Variants in SORT1 observed in about 807,000 individuals in gnomAD.
The protein encoded by SORT1 is sortilin 1.
Under a neutral mutation model 101.7 loss-of-function variants are expected in SORT1, and 39 were observed. The observed-to-expected ratio is 0.38, with a 90% confidence interval of 0.30 to 0.50. The LOEUF (loss-of-function observed/expected upper bound fraction) is 0.50, where lower values mean the gene tolerates loss of function less well. Ranked by LOEUF, SORT1 falls within the 20% of genes least tolerant of loss-of-function variation. The pLI is 0.90. For missense variants in SORT1, 878 were observed against 1,040.4 expected (o/e 0.84, Z 2.15); for synonymous variants, 396 against 393.7 (o/e 1.01, Z -0.07).
intron 6 of SORT1, among the ~76,000 whole-genome samples, chr1:109,350,243 A>T (rs1039473537): frequency 6.6e-6 from 1 of 152,248 alleles, no homozygotes; most frequent in Non-Finnish European, 1.5e-5. Context: ...TTTTGGAGGC[A>T]TGAAGCCTGT....
Position 109,314,654 on chromosome 1 carries a change from G to T in SORT1, c.2357+18C>A. ...TGGCTTGAACTCAGTACCTTGGATT[G>T]ACTTCTGTGTTCCTTACCTTCCCCC... On this transcript the variant is annotated intron_variant, in intron 18 of 19. Coordinates refer to ENST00000256637, the MANE Select transcript of SORT1 (RefSeq NM_002959.7). 1 of 1,505,870 alleles carries T rather than the reference G, an allele frequency of 6.6e-7. No homozygotes were observed. Among genetic ancestry groups the T allele is most frequent in the South Asian group, 1.1e-5 (1 of 88,652 alleles). The allele number at this position is 1,505,870 out of a possible 1,614,324, so 93.3% of individuals were successfully genotyped here.
At position 109,327,178 on chromosome 1, in the gene SORT1, A is replaced by G. The variant is rs1245791164; in HGVS notation, c.1475-18T>C. The G allele has an allele frequency of 1.3e-6, 2 of 1,599,032 alleles. No individual in the cohort carries two copies. The highest frequency in any genetic ancestry group is 2.7e-5 in the African/African-American group (2 of 74,542). On this transcript the variant is annotated intron_variant, in intron 12 of 19. Transcript: ENST00000256637. The stretch of plus-strand genomic sequence containing the variant: ...CACGCTACCTGCAATATAATCCACC[A>G]TCTCATTAGCACAAATAGGCAATGA...
At position 109,353,328 on chromosome 1, in the gene SORT1, C is replaced by CA. The variant is rs1228771965; in HGVS notation, c.708+1038dup. Among the ~76,000 whole-genome samples, 595 of 60,872 alleles carry CA rather than the reference C, an allele frequency of 9.8e-3. 3 individuals are homozygous for CA. Among genetic ancestry groups the CA allele is most frequent in the African/African-American group, 0.022 (321 of 14,286 alleles). The allele number at this position is 60,872 out of a possible 152,430, so 39.9% of individuals were successfully genotyped here. ...GGGCAAGAAGAGCAAAACTCTGTCT[C>CA]AAAAAAAAAAAAAAAAAAAAAAACA... On this transcript the variant is annotated intron_variant, in intron 5 of 19. Coordinates refer to ENST00000256637, the MANE Select transcript of SORT1 (RefSeq NM_002959.7).
At chr1:109,383,843 T>C (rs1255973522) in intron 1 of SORT1, among the ~76,000 whole-genome samples, 1 of 152,200 alleles carries the variant, frequency 6.6e-6, no homozygotes, top group Non-Finnish European at 1.5e-5. Context: ...ATGTACAAGT[T>C]TCCAAATCTA....
At chr1:109,317,763 A>T in intron 16 of SORT1, 90 bp downstream of exon 16, 1 of 881,232 alleles carries the variant, frequency 1.1e-6, no homozygotes, top group Non-Finnish European at 1.8e-6. Context: ...GCTCTAAAGT[A>T]GGGCTTGGAT....
chr1:109,377,030 T>C (rs1412961723), intron 1 of SORT1, among the ~76,000 whole-genome samples: 1 of 152,232 alleles, frequency 6.6e-6, no homozygotes. Flanking sequence ...AAGTCCCATC[T>C]TTCACTGTAA....
At chr1:109,381,662 G>C (rs1652242726) in intron 1 of SORT1, among the ~76,000 whole-genome samples, 1 of 152,082 alleles carries the variant, frequency 6.6e-6, no homozygotes, top group African/African-American at 2.4e-5. Flanking sequence ...TTAAGCTCAG[G>C]AGTTTGAGAC....
chr1:109,315,497 T>C (rs370088), intron 17 of SORT1, among the ~76,000 whole-genome samples: 105,844 of 151,680 alleles, frequency 0.7, 37,486 homozygotes, highest in East Asian at 0.96. Context: ...ATACACACAC[T>C]CACACACTCC....
chr1:109,356,245 T>G (rs935712201), intron 3 of SORT1, among the ~76,000 whole-genome samples: 1 of 152,162 alleles, frequency 6.6e-6, no homozygotes, highest in Admixed American at 6.5e-5. Flanking sequence ...GCCAGCGATG[T>G]TGCCAAACAT....
chr1:109,397,812 C>A lies in SORT1; in HGVS notation c.81G>T (p.Leu27=). Residue 27 remains leucine (L), a synonymous_variant, in exon 1 of 20, where the codon CTG becomes CTT. Coordinates refer to ENST00000256637, the MANE Select transcript of SORT1 (RefSeq NM_002959.7). ...GLGLLLLLQL[L]PPSTLSQDRL... ...GGTCCTGGCTGAGGGTCGACGGCGG[C>A]AGCAGCTGCAGGAGGAGGAGGAGGC... is the stretch of plus-strand genomic sequence containing the variant. 1.6e-6 allele frequency: 2 copies of A among 1,287,080 alleles called. No homozygotes were observed. The highest frequency in any genetic ancestry group is 1.8e-5 in the South Asian group (1 of 54,678). The allele number at this position is 1,287,080 out of a possible 1,614,324, so 79.7% of individuals were successfully genotyped here.
chr1:109,358,944 C>T (rs188468329), intron 3 of SORT1, among the ~76,000 whole-genome samples: 1 of 151,758 alleles, frequency 6.6e-6, no homozygotes, highest in Non-Finnish European at 1.5e-5. Context: ...AATAAATGAT[C>T]ATTTTTGCAT....
chr1:109,351,972 GT>G (rs1649997731), intron 5 of SORT1, among the ~76,000 whole-genome samples: 3 of 28,734 alleles, frequency 1.0e-4, no homozygotes, highest in Non-Finnish European at 3.6e-4. Flanking sequence ...AGGGGTGTGT[GT>G]GTGTGTGTGT....
At chr1:109,392,847 CAAG>C (rs1652990578) in intron 1 of SORT1, 2 of 985,178 alleles carry the variant, frequency 2.0e-6, no homozygotes, top group South Asian at 4.7e-5. Flanking sequence ...CAACCAGGAC[CAAG>C]AAGGAGATCC....
rs778391411 is a variant in SORT1, at chr1:109,314,293, TA to T, written c.2448del (p.Asn817IlefsTer66). On this transcript the variant is annotated frameshift_variant, in exon 19 of 20. Transcript: ENST00000256637. LOFTEE classifies it high-confidence loss of function. Reference sequence around the variant, plus strand: ...GAGTCATCATGATAACCACTTTTATTAGTGTGGGAGGCTGTGTCCAAAGCAT... The same window carrying T: ...GAGTCATCATGATAACCACTTTTATTGTGTGGGAGGCTGTGTCCAAAGCAT... ...GVDALDTASH[T>X]NKSGYHDDSD... The T allele has an allele frequency of 6.2e-7, 1 of 1,614,018 alleles. No homozygotes were observed. Among genetic ancestry groups the T allele is most frequent in the South Asian group, 1.1e-5 (1 of 91,074 alleles).
chr1:109,375,641 A>C (rs1419418499), intron 1 of SORT1, among the ~76,000 whole-genome samples: 1 of 151,986 alleles, frequency 6.6e-6, no homozygotes, highest in Non-Finnish European at 1.5e-5. Flanking sequence ...AAGCTCAAGA[A>C]ACACGATGAA....
At chr1:109,375,541 C>CAAA (rs57014091) in intron 1 of SORT1, among the ~76,000 whole-genome samples, 3 of 71,084 alleles carry the variant, frequency 4.2e-5, no homozygotes, top group South Asian at 7.2e-4. Flanking sequence ...GACTCCGTTT[C>CAAA]AAAAAAAAAA....
Position 109,313,751 on chromosome 1 carries a change from A to G in SORT1, c.*292T>C. 1 of 383,688 alleles carries G rather than the reference A, an allele frequency of 2.6e-6. No individual in the cohort carries two copies. Among genetic ancestry groups the G allele is most frequent in the Non-Finnish European group, 4.4e-6 (1 of 225,262 alleles). 23.8% of individuals were successfully genotyped at this position (383,688 alleles called of 1,614,324 possible). A position where few individuals can be genotyped will look rare whatever the true frequency, so the allele number is the denominator to read the frequency against. On this transcript the variant is annotated 3_prime_UTR_variant, in exon 20 of 20. Transcript: ENST00000256637. The stretch of plus-strand genomic sequence containing the variant: ...TTCGAATTCCATTTCGTTTCCCTTA[A>G]AAAACAAAAACAAAAAAGCCCATAC...
chr1:109,349,443 A>G (rs1355842123), intron 6 of SORT1, among the ~76,000 whole-genome samples: 1 of 152,176 alleles, frequency 6.6e-6, no homozygotes, highest in Non-Finnish European at 1.5e-5. Flanking sequence ...CATGTGTAAC[A>G]GAGTGGTGCT....
Position 109,313,688 on chromosome 1 carries a change from T to G in SORT1, c.*355A>C. The G allele has an allele frequency of 3.4e-6, 1 of 297,414 alleles. No homozygotes were observed. The highest frequency in any genetic ancestry group is 6.3e-6 in the Non-Finnish European group (1 of 158,048). The allele number at this position is 297,414 out of a possible 1,614,324, so 18.4% of individuals were successfully genotyped here. A position where few individuals can be genotyped will look rare whatever the true frequency, so the allele number is the denominator to read the frequency against. On this transcript the variant is annotated 3_prime_UTR_variant, in exon 20 of 20. Transcript: ENST00000256637. ...GGCAGATGCCCTGGGGCAGGCGCCA[T>G]GCAGAACACACAGAAGTGGGGTTAG... is the stretch of plus-strand genomic sequence containing the variant.
Sources: allele counts gnomAD v4.1 joint callset (sites outside exome capture counted in the v4.1 genomes callset), GRCh38; gene constraint gnomAD v4.1.1; transcripts MANE v1.5; gene names NCBI Gene and HGNC (gene_info 2026-07-23, HGNC 2026-07-21).